Variants in VPS13B observed in about 807,000 individuals in gnomAD.
VPS13B encodes vacuolar protein sorting 13 homolog B, also known as intermembrane lipid transfer protein VPS13B.
VPS13B carries 285 observed loss-of-function variants against 426.4 expected under a neutral mutation model. The observed-to-expected ratio is 0.67, with a 90% CI of 0.61 to 0.74. The LOEUF (loss-of-function observed/expected upper bound fraction) is 0.74, where lower values mean the gene tolerates loss of function less well. Among genes scored for constraint, VPS13B ranks in the 30% least tolerant of loss-of-function variants. The pLI is 0.00. For missense variants in VPS13B, 4,537 were observed against 4,782.6 expected (o/e 0.95, Z 1.51); for synonymous variants, 1,676 against 1,676.4 (o/e 1.00, Z 0.01).
intron 29 of VPS13B, among the ~76,000 whole-genome samples, chr8:99,517,688 C>G (rs575295462): frequency 6.6e-6 from 1 of 152,008 alleles, no homozygotes; most frequent in Admixed American, 6.6e-5. Context: ...TCTAGCATGT[C>G]TAGAATGAGT....
chr8:99,482,879 A>G (rs1820116094), intron 25 of VPS13B, among the ~76,000 whole-genome samples: 1 of 152,154 alleles, frequency 6.6e-6, no homozygotes, highest in African/African-American at 2.4e-5. Context: ...CAATAATGAT[A>G]CACAAACATT....
At chr8:99,424,613 A>T (rs1269248068) in intron 21 of VPS13B, 1 of 152,228 alleles carries the variant, frequency 6.6e-6, no homozygotes, top group Non-Finnish European at 1.5e-5. Context: ...AGCAGGAAAG[A>T]TCTAAAATTG....
chr8:99,603,594 A>G (rs1827426686), intron 33 of VPS13B, among the ~76,000 whole-genome samples: 1 of 152,202 alleles, frequency 6.6e-6, no homozygotes, highest in Admixed American at 6.5e-5. Flanking sequence ...GGTCATATAT[A>G]CCACATAGAT....
At chr8:99,588,531 A>G (rs1018875778) in intron 33 of VPS13B, among the ~76,000 whole-genome samples, 1 of 151,548 alleles carries the variant, frequency 6.6e-6, no homozygotes, top group Non-Finnish European at 1.5e-5. Context: ...GAGGTCCTTC[A>G]GATCCTTTGT....
chr8:99,744,903 T>C (rs1258285309), intron 39 of VPS13B, among the ~76,000 whole-genome samples: 2 of 151,928 alleles, frequency 1.3e-5, no homozygotes, highest in Non-Finnish European at 2.9e-5. Flanking sequence ...CACACCAACA[T>C]GGCACATGTA....
At chr8:99,467,676 G>C in intron 24 of VPS13B, 42 bp downstream of exon 24, 1 of 1,580,572 alleles carries the variant, frequency 6.3e-7, no homozygotes, top group African/African-American at 1.5e-5. Context: ...AAAGTAATGT[G>C]ATTTAAAAGC....
rs141051270 is a variant in VPS13B at position 99,486,968 on chromosome 8, T to C, written c.3870+5166T>C. ...GGAAATCTCAGTTAACAGGAGATGATTGAGTATGCTGGAGCAGTTGGTGAC... is the reference window on the plus strand; with the variant it reads ...GGAAATCTCAGTTAACAGGAGATGACTGAGTATGCTGGAGCAGTTGGTGAC... On this transcript the variant is annotated intron_variant, in intron 25 of 61. Transcript: ENST00000357162. 5.3e-4 allele frequency among the ~76,000 whole-genome samples: 80 copies of C among 152,084 alleles called. 1 individual carries two copies. Among genetic ancestry groups the C allele is most frequent in the African/African-American group, 1.8e-3 (74 of 41,506 alleles).
intron 36 of VPS13B, among the ~76,000 whole-genome samples, chr8:99,705,907 G>C (rs946211698): frequency 1.3e-5 from 2 of 152,064 alleles, no homozygotes; most frequent in African/African-American, 4.8e-5. Context: ...AACAAACTTA[G>C]GATATCAGAG....
At chr8:99,450,523 G>A (rs1818136389) in intron 23 of VPS13B, among the ~76,000 whole-genome samples, 2 of 152,102 alleles carry the variant, frequency 1.3e-5, no homozygotes, top group South Asian at 2.1e-4. Context: ...GACCATCCTA[G>A]CCAACGTGGT....
chr8:99,333,273 T>G lies in VPS13B; in HGVS notation c.2825-50935T>G, dbSNP rs565168613. Among the ~76,000 whole-genome samples the G allele has an allele frequency of 1.3e-5, 2 of 151,890 alleles. 1 individual carries two copies. Among genetic ancestry groups the G allele is most frequent in the South Asian group, 4.1e-4 (2 of 4,830 alleles). ...TTTGGAGAAAGATGTGCATGAAAAGTAAAGGCCACATATATGGTGATTTTT... is the reference window on the plus strand; with the variant it reads ...TTTGGAGAAAGATGTGCATGAAAAGGAAAGGCCACATATATGGTGATTTTT... On this transcript the variant is annotated intron_variant, in intron 19 of 61. Coordinates refer to ENST00000357162, the MANE Select transcript of VPS13B (RefSeq NM_152564.5).
chr8:99,371,216 T>A (rs147448632), intron 19 of VPS13B, among the ~76,000 whole-genome samples: 3 of 152,362 alleles, frequency 2.0e-5, no homozygotes, highest in Admixed American at 1.3e-4. Context: ...TCCTCAGTTT[T>A]GGACCTTTAG....
At chr8:99,329,073 C>A (rs1042697956) in intron 19 of VPS13B, among the ~76,000 whole-genome samples, 2 of 152,048 alleles carry the variant, frequency 1.3e-5, no homozygotes, top group African/African-American at 4.8e-5. Context: ...TATGTAAGTA[C>A]CCTCTTTTGA....
At chr8:99,782,175 T>C (rs1426351727) in intron 42 of VPS13B, among the ~76,000 whole-genome samples, 31 of 152,180 alleles carry the variant, frequency 2.0e-4, no homozygotes, top group Admixed American at 2.0e-3. Flanking sequence ...TCCTAATTTT[T>C]CCCTCCCCTT....
chr8:99,518,124 A>G (rs1822185812), intron 29 of VPS13B, among the ~76,000 whole-genome samples: 1 of 152,046 alleles, frequency 6.6e-6, no homozygotes, highest in Non-Finnish European at 1.5e-5. Context: ...TTTGTATGTA[A>G]CACCAAGTAC....
rs113571098 is a variant in VPS13B, at chr8:99,834,605, C to T, written c.9615-592C>T. Among the ~76,000 whole-genome samples, 253 of 152,112 alleles carry T rather than the reference C, an allele frequency of 1.7e-3. 4 individuals carry two copies. Among genetic ancestry groups the T allele is most frequent in the African/African-American group, 5.9e-3 (244 of 41,518 alleles). On this transcript the variant is annotated intron_variant, in intron 52 of 61. Transcript: ENST00000357162. The stretch of plus-strand genomic sequence containing the variant: ...AGGCTCGAGTGCAGTGGCACAAACA[C>T]GGCTCACTGCATCCTCAACCTCCCA...
intron 23 of VPS13B, among the ~76,000 whole-genome samples, chr8:99,452,239 A>T (rs1818233317): frequency 6.6e-6 from 1 of 152,018 alleles, no homozygotes; most frequent in Admixed American, 6.6e-5. Context: ...ACATGACTTC[A>T]TCCTTCCCAA....
In VPS13B at chr8:99,375,913, A is replaced by G. The variant is rs533444293; in HGVS notation, c.2825-8295A>G. Among the ~76,000 whole-genome samples, 6 of 152,270 alleles carry G rather than the reference A, an allele frequency of 3.9e-5. No homozygotes were observed. In the South Asian group the frequency reaches 1.2e-3, roughly 32 times the overall value. On this transcript the variant is annotated intron_variant, in intron 19 of 61. Transcript: ENST00000357162. Reference sequence around the variant, plus strand: ...ATACTTTTTCCTAATATAACTTGATATATTATAGGACAGTCTCATTGGCTG... The same window carrying G: ...ATACTTTTTCCTAATATAACTTGATGTATTATAGGACAGTCTCATTGGCTG...
intron 19 of VPS13B, among the ~76,000 whole-genome samples, chr8:99,338,742 T>C (rs562815894): frequency 6.6e-6 from 1 of 152,292 alleles, no homozygotes; most frequent in South Asian, 2.1e-4. Context: ...CAGAATTTTA[T>C]TGTTTTGAAG....
chr8:99,779,120 C>A, intron 42 of VPS13B, 89 bp downstream of exon 42: 1 of 1,246,680 alleles, frequency 8.0e-7, no homozygotes, highest in Admixed American at 1.7e-5. Context: ...ATAAGTTCAA[C>A]ACAAACAAAA....
Sources: gnomAD v4.1 joint callset for allele counts (sites outside exome capture counted in the v4.1 genomes callset) on GRCh38, gnomAD v4.1.1 for gene constraint, MANE v1.5 for transcripts, NCBI Gene and HGNC (gene_info 2026-07-23, HGNC 2026-07-21) for gene names.